Variants in NOTCH2NLR observed in about 807,000 individuals in gnomAD.
NOTCH2NLR encodes notch 2 N-terminal like R.
A neutral mutation model predicts 35.6 loss-of-function variants in NOTCH2NLR; 33 were observed. The observed-to-expected ratio is 0.93, with a 90% CI of 0.70 to 1.24. The LOEUF is 1.24. Ranked by LOEUF, NOTCH2NLR falls within the 50% of genes most tolerant of loss-of-function variation. The pLI, the probability that NOTCH2NLR is intolerant of heterozygous loss-of-function variation, is 0.00. For synonymous variants in NOTCH2NLR, 103 were observed against 141.0 expected (o/e 0.73, Z 1.91); for missense variants, 276 against 362.2 (o/e 0.76, Z 1.93).
rs1413236079 is a variant in NOTCH2NLR, at chr1:120,735,345, G to A, written c.73+11095G>A. On this transcript the variant is annotated intron_variant, in intron 1 of 4. Coordinates refer to ENST00000624419, the Ensembl canonical transcript of NOTCH2NLR. ...CTCCCAAAGTGCTGGGATTACAGGC[G>A]TGAGCCACCGTGCCTGGTCCTTGCA... Among the ~76,000 whole-genome samples the A allele has an allele frequency of 3.9e-4, 33 of 83,576 alleles. 3 individuals carry two copies. The highest frequency in any genetic ancestry group is 1.4e-3 in the East Asian group (5 of 3,614). 54.8% of individuals were successfully genotyped at this position (83,576 alleles called of 152,430 possible).
chr1:120,787,933 G>T (rs1488273179), intron 3 of NOTCH2NLR, among the ~76,000 whole-genome samples: 2 of 110,496 alleles, frequency 1.8e-5, no homozygotes, highest in East Asian at 4.4e-4. Flanking sequence ...TCTGCAGCTG[G>T]TCACATGGTA....
chr1:120,765,271 G>A (rs1187749900), intron 2 of NOTCH2NLR, among the ~76,000 whole-genome samples: 1 of 86,552 alleles, frequency 1.2e-5, no homozygotes, highest in Non-Finnish European at 2.1e-5. Context: ...ATCTTGTTTA[G>A]TCTTTTTGTG....
rs1231558214 is a variant in NOTCH2NLR, at chr1:120,793,281, G to T, written c.536G>T (p.Cys179Phe). ...CTCACAGGCTTCACAGGGCAGAAGT[G>T]TGAGACTGATGTCAATGAGTGTGAC... Residue 179 changes from cysteine to phenylalanine, a missense_variant, in exon 4 of 5, where the codon TGT (cysteine) becomes TTT (phenylalanine). By Grantham distance (205) the Cys-to-Phe change is radical (BLOSUM62 -2). Coordinates refer to ENST00000624419, the Ensembl canonical transcript of NOTCH2NLR. 2 of 1,395,028 alleles carry T rather than the reference G, an allele frequency of 1.4e-6. 1 individual carries two copies. The highest frequency in any genetic ancestry group is 1.9e-6 in the Non-Finnish European group (2 of 1,038,038). The allele number at this position is 1,395,028 out of a possible 1,614,324, so 86.4% of individuals were successfully genotyped here. A position where few individuals can be genotyped will look rare whatever the true frequency, so the allele number is the denominator to read the frequency against.
In NOTCH2NLR at chr1:120,793,842, G is replaced by T. The variant is rs1651524276; in HGVS notation, c.*22G>T. On this transcript the variant is annotated 3_prime_UTR_variant, in exon 5 of 5. Coordinates refer to ENST00000624419, the Ensembl canonical transcript of NOTCH2NLR. ...ATGAGAATTAGACACTGGAAAATAT[G>T]TATGTGTGGTTAATAAAGTGCTTTA... The T allele has an allele frequency of 5.5e-5, 36 of 656,184 alleles. 9 individuals carry two copies. The highest frequency in any genetic ancestry group is 6.6e-5 in the Non-Finnish European group (26 of 392,986). The allele number at this position is 656,184 out of a possible 1,614,324, so 40.6% of individuals were successfully genotyped here. A position where few individuals can be genotyped will look rare whatever the true frequency, so the allele number is the denominator to read the frequency against.
Position 120,724,236 on chromosome 1 carries a change from C to A in NOTCH2NLR, c.59C>A (p.Ala20Glu). 2.1e-6 allele frequency: 3 copies of A among 1,402,846 alleles called. No homozygotes were observed. The South Asian group carries it at 3.8e-5, about 18-fold the overall frequency. 86.9% of individuals were successfully genotyped at this position (1,402,846 alleles called of 1,614,324 possible). A position where few individuals can be genotyped will look rare whatever the true frequency, so the allele number is the denominator to read the frequency against. ...CTGCTGGCGCTCTGGCTGTGCTGGG[C>A]GGCCCCCGCGCATGGTGAGTATCGG... Residue 20 changes from alanine to glutamate, a missense_variant, in exon 1 of 5, where the codon GCG becomes GAG. By Grantham distance (107) the Ala-to-Glu change is moderately radical. Transcript: ENST00000624419.
rs1162909917 is a variant in NOTCH2NLR at position 120,789,430 on chromosome 1, G to A, written c.416-3731G>A. Among the ~76,000 whole-genome samples the A allele has an allele frequency of 1.0e-4, 11 of 107,566 alleles. 1 individual carries two copies. Among genetic ancestry groups the A allele is most frequent in the Non-Finnish European group, 1.9e-4 (11 of 57,702 alleles). 70.6% of individuals were successfully genotyped at this position (107,566 alleles called of 152,430 possible). On this transcript the variant is annotated intron_variant, in intron 3 of 4. Coordinates refer to ENST00000624419, the Ensembl canonical transcript of NOTCH2NLR. ...GTTCCATATGGCTGGGGAGGCCTCAGAATTATGGTGGGAGGCAAAAGGCAC... is the reference window on the plus strand; with the variant it reads ...GTTCCATATGGCTGGGGAGGCCTCAAAATTATGGTGGGAGGCAAAAGGCAC...
At chr1:120,764,740 G>A (rs1185663963) in intron 2 of NOTCH2NLR, among the ~76,000 whole-genome samples, 1 of 114,492 alleles carries the variant, frequency 8.7e-6, no homozygotes, top group Non-Finnish European at 1.7e-5. Flanking sequence ...TTTTTAAGAG[G>A]AATATGTATC....
chr1:120,790,299 C>T (rs1436945778), intron 3 of NOTCH2NLR, among the ~76,000 whole-genome samples: 1 of 111,696 alleles, frequency 9.0e-6, no homozygotes, highest in Admixed American at 8.5e-5. Context: ...CAGGTGTGAG[C>T]CACCACACCG....
In NOTCH2NLR at chr1:120,765,116, G is replaced by T. The variant is rs1171896488; in HGVS notation, c.155+1407G>T. ...AATAAAGATAACATTGGAAATAAAG[G>T]TTTTATGTAGCTTATTATGAGCTGC... On this transcript the variant is annotated intron_variant, in intron 2 of 4. Coordinates refer to ENST00000624419, the Ensembl canonical transcript of NOTCH2NLR. 1.7e-5 allele frequency among the ~76,000 whole-genome samples: 2 copies of T among 116,296 alleles called. 1 individual carries two copies. Among genetic ancestry groups the T allele is most frequent in the East Asian group, 4.1e-4 (2 of 4,876 alleles). The allele number at this position is 116,296 out of a possible 152,430, so 76.3% of individuals were successfully genotyped here.
In NOTCH2NLR at chr1:120,784,184, C is replaced by T. The variant is rs1418000825; in HGVS notation, c.156-790C>T. On this transcript the variant is annotated intron_variant, in intron 2 of 4. Transcript: ENST00000624419. ...GTAAAGAACTAAGCTGATGTCCAGCCCTCTAAAACATTTTAAATAGAAATC... is the reference window on the plus strand; with the variant it reads ...GTAAAGAACTAAGCTGATGTCCAGCTCTCTAAAACATTTTAAATAGAAATC... 6.8e-5 allele frequency among the ~76,000 whole-genome samples: 8 copies of T among 117,410 alleles called. 1 individual carries two copies. The highest frequency in any genetic ancestry group is 1.2e-4 in the Non-Finnish European group (7 of 60,754). 77.0% of individuals were successfully genotyped at this position (117,410 alleles called of 152,430 possible). A position where few individuals can be genotyped will look rare whatever the true frequency, so the allele number is the denominator to read the frequency against.
intron 1 of NOTCH2NLR, among the ~76,000 whole-genome samples, chr1:120,728,098 C>T (rs1435943507): frequency 8.5e-6 from 1 of 117,314 alleles, no homozygotes; most frequent in African/African-American, 5.0e-5. Context: ...GCTTCCATCT[C>T]GTGTACAAAT....
rs1313794127 is a variant in NOTCH2NLR, at chr1:120,789,697, TG to T, written c.416-3460del. ...CATATCATTCATCAAAAGGTGTTGG[TG>T]GGGTAGAGGGTAGTTAGGATGATCC... On this transcript the variant is annotated intron_variant, in intron 3 of 4. Coordinates refer to ENST00000624419, the Ensembl canonical transcript of NOTCH2NLR. Among the ~76,000 whole-genome samples, 4 of 69,386 alleles carry T rather than the reference TG, an allele frequency of 5.8e-5. 1 individual carries two copies. The highest frequency in any genetic ancestry group is 9.9e-5 in the Non-Finnish European group (4 of 40,228). The allele number at this position is 69,386 out of a possible 152,430, so 45.5% of individuals were successfully genotyped here.
chr1:120,765,395 T>C (rs1290125526), intron 2 of NOTCH2NLR, among the ~76,000 whole-genome samples: 1 of 63,526 alleles, frequency 1.6e-5, no homozygotes, highest in East Asian at 2.9e-4. Flanking sequence ...TGTGAGGTCT[T>C]AGTCTTATGC....
Position 120,785,213 on chromosome 1 carries a change from C to G in NOTCH2NLR, c.395C>G (p.Thr132Ser), listed in dbSNP as rs2101455032. Residue 132 changes from threonine (T) to serine (S), a missense_variant, in exon 3 of 5, where the codon ACC (threonine) becomes AGC (serine). By Grantham distance (58) the Thr-to-Ser change is moderately conservative. Transcript: ENST00000624419. ...CTCAGCCGGGATACCTATGAGTGCA[C>G]CTGTCAAGTCGGGTTTACAGGTAAC... 4 of 1,445,542 alleles carry G rather than the reference C, an allele frequency of 2.8e-6. 1 individual carries two copies. The South Asian group carries it at 4.8e-5, about 17-fold the overall frequency. 89.5% of individuals were successfully genotyped at this position (1,445,542 alleles called of 1,614,324 possible).
chr1:120,778,231 G>T lies in NOTCH2NLR; in HGVS notation c.156-6743G>T, dbSNP rs1291227227. On this transcript the variant is annotated intron_variant, in intron 2 of 4. Coordinates refer to ENST00000624419, the Ensembl canonical transcript of NOTCH2NLR. ...CTGGGTTTTGTTAGTTTTTTCCCCT[G>T]CCCTTACCTCATTTACCTTAATGAC... Among the ~76,000 whole-genome samples the T allele has an allele frequency of 4.3e-4, 24 of 56,268 alleles. 8 individuals are homozygous for T. Among genetic ancestry groups the T allele is most frequent in the Admixed American group, 4.0e-3 (24 of 6,058 alleles). 36.9% of individuals were successfully genotyped at this position (56,268 alleles called of 152,430 possible).
Position 120,779,388 on chromosome 1 carries a change from T to A in NOTCH2NLR, c.156-5586T>A, listed in dbSNP as rs1206067539. ...TAAGTATTCAGATTAGTTTATGGAG[T>A]TTAAAATGGAAAAATGCTCCCCAAA... On this transcript the variant is annotated intron_variant, in intron 2 of 4. Transcript: ENST00000624419. Among the ~76,000 whole-genome samples the A allele has an allele frequency of 3.0e-5, 3 of 101,004 alleles. No individual in the cohort carries two copies. The East Asian group carries it at 6.5e-4, about 22-fold the overall frequency. The allele number at this position is 101,004 out of a possible 152,430, so 66.3% of individuals were successfully genotyped here.
rs1650881909 is a variant in NOTCH2NLR at position 120,733,132 on chromosome 1, T to A, written c.73+8882T>A. On this transcript the variant is annotated intron_variant, in intron 1 of 4. Coordinates refer to ENST00000624419, the Ensembl canonical transcript of NOTCH2NLR. ...TTATTTTTATATATATATATATATA[T>A]GTTTAGTTTATGAACAGATCTACAT... is the stretch of plus-strand genomic sequence containing the variant. Among the ~76,000 whole-genome samples, 2 of 92,636 alleles carry A rather than the reference T, an allele frequency of 2.2e-5. 1 individual carries two copies. Among genetic ancestry groups the A allele is most frequent in the East Asian group, 4.9e-4 (2 of 4,080 alleles). 60.8% of individuals were successfully genotyped at this position (92,636 alleles called of 152,430 possible).
chr1:120,764,092 C>T (rs1478670687), intron 2 of NOTCH2NLR, among the ~76,000 whole-genome samples: 1 of 107,934 alleles, frequency 9.3e-6, no homozygotes, highest in East Asian at 2.2e-4. Flanking sequence ...ACTAAAAATA[C>T]AAAAATTAGC....
At chr1:120,782,108 G>A (rs2101447283) in intron 2 of NOTCH2NLR, among the ~76,000 whole-genome samples, 1 of 104,020 alleles carries the variant, frequency 9.6e-6, no homozygotes, top group Non-Finnish European at 1.8e-5. Flanking sequence ...CACTAAAAAG[G>A]TGAAGAAGCC....
Sources: gnomAD v4.1 joint callset for allele counts (sites outside exome capture counted in the v4.1 genomes callset) on GRCh38, gnomAD v4.1.1 for gene constraint, MANE v1.5 for transcripts, NCBI Gene and HGNC (gene_info 2026-07-23, HGNC 2026-07-21) for gene names.